The following DOCK1 variants were observed in gnomAD, a reference collection of about 807,000 sequenced individuals.
DOCK1 encodes dedicator of cytokinesis 1, also known as dedicator of cytokinesis protein 1.
Under a neutral mutation model 262.7 loss-of-function variants are expected in DOCK1, and 138 were observed. That is an observed-to-expected ratio of 0.53 (90% CI 0.46 to 0.61). The LOEUF is 0.61. Among genes scored for constraint, DOCK1 ranks in the 20% least tolerant of loss-of-function variants. DOCK1 has a pLI of 0.00. For missense variants in DOCK1, 1,908 were observed against 2,370.7 expected (o/e 0.80, Z 4.05); for synonymous variants, 866 against 867.4 (o/e 1.00, Z 0.03).
chr10:127,221,526 G>A (rs1230322125), intron 27 of DOCK1, among the ~76,000 whole-genome samples: 1 of 152,142 alleles, frequency 6.6e-6, no homozygotes, highest in African/African-American at 2.4e-5. Context: ...GGGAGCTCTG[G>A]GCATCCATGT....
Position 127,175,508 on chromosome 10 carries a change from C to T in DOCK1, c.2847+47744C>T, listed in dbSNP as rs1241367681. 3.1e-6 allele frequency: 5 copies of T among 1,608,824 alleles called. No homozygotes were observed. The highest frequency in any genetic ancestry group is 4.2e-6 in the Non-Finnish European group (5 of 1,180,012). On this transcript the variant is annotated intron_variant, in intron 27 of 51. Transcript: ENST00000623213. The surrounding 1 kb of genome is among the most constrained non-coding windows in gnomAD (Gnocchi z 6.3). ...GGGCAGTTTCCGAGGGCGCCTGGAG[C>T]CCGTTGAGATGTGTGGCTCTCCTCC...
intron 29 of DOCK1, among the ~76,000 whole-genome samples, chr10:127,261,220 CATG>C (rs2060074741): frequency 7.5e-5 from 3 of 39,736 alleles, no homozygotes; most frequent in Non-Finnish European, 1.5e-4. Flanking sequence ...CATGTGTGTG[CATG>C]TGGGTGTGCG....
At chr10:127,259,215 C>G (rs932897208) in intron 29 of DOCK1, among the ~76,000 whole-genome samples, 8 of 152,178 alleles carry the variant, frequency 5.3e-5, no homozygotes, top group African/African-American at 1.7e-4. Context: ...CTCTGCTCCT[C>G]CTCACTCTTC....
intron 27 of DOCK1, among the ~76,000 whole-genome samples, chr10:127,233,690 G>A (rs1195230679): frequency 6.6e-6 from 1 of 152,218 alleles, no homozygotes; most frequent in African/African-American, 2.4e-5. Flanking sequence ...CCAAAACACA[G>A]TGTGCCTTCG....
intron 23 of DOCK1, among the ~76,000 whole-genome samples, chr10:127,075,777 C>T (rs1052541932): frequency 2.6e-5 from 4 of 152,248 alleles, no homozygotes; most frequent in Middle Eastern, 3.4e-3. Flanking sequence ...CCCACCATGC[C>T]GCTCACCCGA....
At chr10:127,099,913 G>A (rs550829806) in intron 23 of DOCK1, among the ~76,000 whole-genome samples, 3 of 152,156 alleles carry the variant, frequency 2.0e-5, no homozygotes, top group South Asian at 2.1e-4. Context: ...TGGGTGGGGC[G>A]GCAGAGCAGT....
chr10:127,444,268 G>C lies in DOCK1; in HGVS notation c.5402G>C (p.Ser1801Thr). Residue 1801 changes from serine (S) to threonine (T), a missense_variant, in exon 50 of 52, where the codon AGC (serine) becomes ACC (threonine). Around this residue, in one of 9 missense-constraint regions of DOCK1, gnomAD observed 383 missense variants for 420.1 expected, o/e 0.91. Transcript: ENST00000623213. ...PVTPRAKLSF[S>T]MQSSLELNGM... ...ACACCAAGGGCCAAGCTCAGCTTCA[G>C]CATGCAGTCGAGTAAGTGGAACGCT... is the stretch of plus-strand genomic sequence containing the variant. The C allele has an allele frequency of 1.9e-6, 3 of 1,607,222 alleles. No homozygotes were observed. Among genetic ancestry groups the C allele is most frequent in the Non-Finnish European group, 2.5e-6 (3 of 1,177,466 alleles).
intron 32 of DOCK1, among the ~76,000 whole-genome samples, chr10:127,361,592 C>A (rs1307335509): frequency 6.6e-6 from 1 of 152,010 alleles, no homozygotes; most frequent in African/African-American, 2.4e-5. Context: ...ATAGCAAACT[C>A]ATCTTCATAA....
intron 29 of DOCK1, among the ~76,000 whole-genome samples, chr10:127,288,693 T>C (rs560954182): frequency 4.9e-4 from 74 of 151,644 alleles, no homozygotes; most frequent in African/African-American, 1.6e-3. Flanking sequence ...TTGCTTTGTA[T>C]GTATATATAA....
intron 21 of DOCK1, among the ~76,000 whole-genome samples, chr10:127,043,811 A>G (rs150996211): frequency 6.6e-6 from 1 of 152,274 alleles, no homozygotes; most frequent in Non-Finnish European, 1.5e-5. Flanking sequence ...TGTCCCTCAC[A>G]AGCTCTGTGA....
intron 29 of DOCK1, among the ~76,000 whole-genome samples, chr10:127,282,618 G>A (rs1164613851): frequency 6.6e-6 from 1 of 152,190 alleles, no homozygotes; most frequent in African/African-American, 2.4e-5. Context: ...GGGGTCACCA[G>A]GGCAAAACCA....
intron 12 of DOCK1, chr10:127,016,470 C>T (rs9418779): frequency 0.15 from 22,336 of 152,260 alleles, 1,927 homozygotes; most frequent in South Asian, 0.23. Flanking sequence ...CAGGGACAGC[C>T]GGAGGTGCCG....
chr10:127,403,016 G>T (rs1174052373), intron 38 of DOCK1, 39 bp from the exon 39 acceptor site: 1 of 1,556,190 alleles, frequency 6.4e-7, no homozygotes. Context: ...CACAATTCAG[G>T]CCTCGGCTTC....
intron 25 of DOCK1, among the ~76,000 whole-genome samples, chr10:127,119,412 T>C (rs34653992): frequency 0.17 from 25,482 of 152,140 alleles, 2,628 homozygotes; most frequent in African/African-American, 0.29. Context: ...GTCCCTTCAC[T>C]CAGCTCCCAG....
At chr10:126,971,959 C>T (rs1367491732) in intron 2 of DOCK1, among the ~76,000 whole-genome samples, 1 of 151,956 alleles carries the variant, frequency 6.6e-6, no homozygotes, top group East Asian at 1.9e-4. Flanking sequence ...TCTTGTTGCC[C>T]AGGCTGGAGT....
chr10:127,314,602 A>ACC (rs1234463257), intron 29 of DOCK1, among the ~76,000 whole-genome samples: 3,442 of 152,310 alleles, frequency 0.023, 134 homozygotes, highest in African/African-American at 0.078. Context: ...GTTTTTGTTG[A>ACC]AACACTAGGT....
chr10:126,946,865 C>G (rs2035451870), intron 1 of DOCK1, among the ~76,000 whole-genome samples: 1 of 152,212 alleles, frequency 6.6e-6, no homozygotes, highest in Non-Finnish European at 1.5e-5. Flanking sequence ...TTGTGAACAA[C>G]TTGTCCACTC....
chr10:127,085,671 T>C (rs1205664000), intron 23 of DOCK1, among the ~76,000 whole-genome samples: 1 of 151,912 alleles, frequency 6.6e-6, no homozygotes, highest in Non-Finnish European at 1.5e-5. Flanking sequence ...GGCAGGAGAA[T>C]TGCTTGAACC....
rs1006263885 is a variant in DOCK1, at chr10:127,420,181, C to T, written c.4776+432C>T. On this transcript the variant is annotated intron_variant, in intron 46 of 51. Transcript: ENST00000623213. ...CACCCTCTCCCTGTTCTCCGTGCAC[C>T]TCTGGCGGTGGTGTGCGTCCTCATC... 3.9e-5 allele frequency among the ~76,000 whole-genome samples: 6 copies of T among 152,314 alleles called. No homozygotes were observed. The East Asian group carries it at 1.2e-3, about 29-fold the overall frequency.
Sources: gnomAD v4.1 joint callset for allele counts (sites outside exome capture counted in the v4.1 genomes callset) on GRCh38, gnomAD v4.1.1 for gene constraint, gnomAD v4.1.1 regional missense constraint, Gnocchi (gnomAD v3.1) non-coding constraint, MANE v1.5 for transcripts, NCBI Gene and HGNC (gene_info 2026-07-23, HGNC 2026-07-21) for gene names.